INPP4B: variants seen among roughly 807,000 people sequenced by gnomAD.
The protein encoded by INPP4B is inositol polyphosphate 4-phosphatase type II.
Under a neutral mutation model 122.5 loss-of-function variants are expected in INPP4B, and 55 were observed. The observed-to-expected ratio is 0.45, with a 90% CI of 0.36 to 0.56. INPP4B has a LOEUF of 0.56. INPP4B is among the 20% of genes least tolerant of loss of function. The probability of loss-of-function intolerance (pLI) is 0.00; values close to 1 mark genes in which losing one functional copy is unlikely to be tolerated. For synonymous variants in INPP4B, 403 were observed against 388.7 expected, an observed-to-expected ratio of 1.04 and a Z score of -0.43; for missense variants, 1,000 against 1,097.7, an observed-to-expected ratio of 0.91 and a Z score of 1.26.
intron 7 of INPP4B, among the ~76,000 whole-genome samples, chr4:142,326,381 C>A (rs1772367577): frequency 6.6e-6 from 1 of 152,184 alleles, no homozygotes; most frequent in Non-Finnish European, 1.5e-5. Flanking sequence ...GTTTTATAGG[C>A]ACTAAAGATA....
chr4:142,217,095 C>T (rs1029556759), intron 12 of INPP4B, among the ~76,000 whole-genome samples: 1 of 151,994 alleles, frequency 6.6e-6, no homozygotes, highest in Admixed American at 6.6e-5. Flanking sequence ...CTTTAATTTA[C>T]ATTGGAATTC....
intron 25 of INPP4B, chr4:142,030,105 G>T: frequency 1.3e-6 from 2 of 1,494,844 alleles, no homozygotes; most frequent in Non-Finnish European, 1.8e-6. Context: ...TTGTAGAAAA[G>T]AAAAAGGAAT....
chr4:142,323,579 G>A (rs769421616), intron 7 of INPP4B, among the ~76,000 whole-genome samples: 1 of 151,304 alleles, frequency 6.6e-6, no homozygotes, highest in East Asian at 2.0e-4. Flanking sequence ...CCCAGTAGCT[G>A]GGACTACAGG....
At chr4:142,040,031 C>T (rs1912713) in intron 25 of INPP4B, among the ~76,000 whole-genome samples, 14,818 of 149,626 alleles carry the variant, frequency 0.099, 1,277 homozygotes, top group African/African-American at 0.24. Flanking sequence ...GTTTCCATTG[C>T]GGGTTGGGGG....
chr4:142,570,229 C>T (rs569003545), intron 2 of INPP4B, among the ~76,000 whole-genome samples: 1 of 152,124 alleles, frequency 6.6e-6, no homozygotes, highest in Admixed American at 6.6e-5. Context: ...AATATGTTCT[C>T]TTGGTAAACA....
intron 1 of INPP4B, among the ~76,000 whole-genome samples, chr4:142,736,438 G>A (rs1313853746): frequency 2.0e-5 from 3 of 151,980 alleles, no homozygotes; most frequent in Non-Finnish European, 4.4e-5. Context: ...TAATTATTGA[G>A]ACCCTAAAAC....
intron 21 of INPP4B, among the ~76,000 whole-genome samples, chr4:142,115,647 A>G (rs1792849580): frequency 6.6e-6 from 1 of 152,210 alleles, no homozygotes; most frequent in Non-Finnish European, 1.5e-5. Flanking sequence ...GCCTTACAAG[A>G]GCTCCTCAAG....
At position 142,409,418 on chromosome 4, in the gene INPP4B, G is replaced by A. The variant is rs147660274; in HGVS notation, c.137-4094C>T. Among the ~76,000 whole-genome samples, 294 of 152,094 alleles carry A rather than the reference G, an allele frequency of 1.9e-3. 8 individuals carry two copies. The East Asian group carries it at 0.051, about 26-fold the overall frequency. On this transcript the variant is annotated intron_variant, in intron 5 of 25. Coordinates refer to ENST00000262992, the MANE Select transcript of INPP4B (RefSeq NM_001101669.3). The stretch of plus-strand genomic sequence containing the variant: ...TGAGGTGGGAGAGTCGCTTGAACCC[G>A]GGAAGCGGAGGTTGCAGTGAGCCGA...
Position 142,775,613 on chromosome 4 carries a change from A to C in INPP4B, c.-253-49712T>G, listed in dbSNP as rs568595741. Among the ~76,000 whole-genome samples the C allele has an allele frequency of 3.3e-5, 5 of 150,110 alleles. No individual in the cohort carries two copies. In the East Asian group the frequency reaches 8.0e-4, roughly 24 times the overall value. ...TGGTTTTGAACTCCTGGGCTCAAAT[A>C]ATCCTCCCACCTTGGACTCTCAAAC... On this transcript the variant is annotated intron_variant, in intron 1 of 25. Transcript: ENST00000262992.
At chr4:142,182,068 C>T (rs527486231) in intron 15 of INPP4B, among the ~76,000 whole-genome samples, 1 of 152,298 alleles carries the variant, frequency 6.6e-6, no homozygotes, top group African/African-American at 2.4e-5. Flanking sequence ...TGTTGAACAT[C>T]TTTTGACTGC....
intron 16 of INPP4B, among the ~76,000 whole-genome samples, chr4:142,170,918 G>A (rs890159489): frequency 1.3e-5 from 2 of 151,628 alleles, no homozygotes; most frequent in African/African-American, 4.8e-5. Context: ...AATTTTGGTT[G>A]GGGAGCTCTA....
chr4:142,035,382 C>T (rs1284395391), intron 25 of INPP4B, among the ~76,000 whole-genome samples: 1 of 152,130 alleles, frequency 6.6e-6, no homozygotes, highest in African/African-American at 2.4e-5. Context: ...ATGCTGTGAG[C>T]CGAGATATTT....
chr4:142,538,574 T>G (rs1828559478), intron 2 of INPP4B, among the ~76,000 whole-genome samples: 1 of 152,094 alleles, frequency 6.6e-6, no homozygotes, highest in African/African-American at 2.4e-5. Flanking sequence ...GATACCTTCG[T>G]TGTCTATGCC....
At chr4:142,824,373 C>G (rs1040088983) in intron 1 of INPP4B, among the ~76,000 whole-genome samples, 3 of 146,724 alleles carry the variant, frequency 2.0e-5, no homozygotes, top group African/African-American at 7.9e-5. Context: ...TCTGGAGAAC[C>G]CAGGCCAAAA....
intron 7 of INPP4B, among the ~76,000 whole-genome samples, chr4:142,387,136 C>T (rs1330980466): frequency 1.3e-5 from 2 of 152,118 alleles, no homozygotes; most frequent in African/African-American, 2.4e-5. Flanking sequence ...AGGCCTCTTA[C>T]ATCCCACTGG....
At chr4:142,248,603 T>A (rs957653355) in intron 11 of INPP4B, among the ~76,000 whole-genome samples, 1 of 150,772 alleles carries the variant, frequency 6.6e-6, no homozygotes, top group African/African-American at 2.4e-5. Flanking sequence ...CCTCCCAAAG[T>A]GCTGGGATTT....
chr4:142,620,643 C>T (rs1254193692), intron 2 of INPP4B, among the ~76,000 whole-genome samples: 6 of 151,626 alleles, frequency 4.0e-5, no homozygotes, highest in African/African-American at 1.5e-4. Context: ...CACATGTATG[C>T]ATTAAACTGA....
intron 25 of INPP4B, among the ~76,000 whole-genome samples, chr4:142,037,331 T>G (rs1479758721): frequency 6.6e-6 from 1 of 152,182 alleles, no homozygotes; most frequent in African/African-American, 2.4e-5. Flanking sequence ...TTTCACTTTC[T>G]TTTCTGCAAG....
chr4:142,368,995 G>C (rs377534277), intron 7 of INPP4B, among the ~76,000 whole-genome samples: 29 of 151,998 alleles, frequency 1.9e-4, no homozygotes, highest in East Asian at 1.4e-3. Flanking sequence ...ATGATGGTAA[G>C]AGGAGGAGGA....
Sources: allele counts gnomAD v4.1 joint callset (sites outside exome capture counted in the v4.1 genomes callset), GRCh38; gene constraint gnomAD v4.1.1; transcripts MANE v1.5; gene names NCBI Gene and HGNC (gene_info 2026-07-23, HGNC 2026-07-21).